Variants in NR3C2 observed in about 807,000 individuals in gnomAD.
NR3C2 encodes nuclear receptor subfamily 3 group C member 2.
NR3C2 carries 15 observed loss-of-function variants against 86.4 expected under a neutral mutation model. The ratio of observed to expected loss-of-function variants is 0.17; its 90% CI spans 0.12 to 0.27. NR3C2 has a LOEUF of 0.27. NR3C2 is among the 10% of genes least tolerant of loss of function. The pLI is 1.00. For synonymous variants in NR3C2, 458 were observed against 450.5 expected (o/e 1.02, Z -0.21); for missense variants, 960 against 1,195.6 (o/e 0.80, Z 2.91).
chr4:148,190,950 GA>G (rs573844684), intron 4 of NR3C2, among the ~76,000 whole-genome samples: 86 of 152,294 alleles, frequency 5.6e-4, no homozygotes, highest in African/African-American at 2.0e-3. Context: ...CTTTTAAGTG[GA>G]GCATTTAGGC....
intron 2 of NR3C2, among the ~76,000 whole-genome samples, chr4:148,318,426 T>C (rs2149947959): frequency 6.7e-6 from 1 of 149,302 alleles, no homozygotes; most frequent in Non-Finnish European, 1.5e-5. Context: ...GTATTTCCAG[T>C]TCTAGATCCC....
At chr4:148,218,342 A>G (rs1475912717) in intron 3 of NR3C2, among the ~76,000 whole-genome samples, 4 of 152,228 alleles carry the variant, frequency 2.6e-5, no homozygotes, top group Admixed American at 2.6e-4. Flanking sequence ...TGAATAGTCT[A>G]TCATATAAAT....
chr4:148,196,857 C>G (rs1057005944), intron 3 of NR3C2, among the ~76,000 whole-genome samples: 10 of 151,918 alleles, frequency 6.6e-5, no homozygotes, highest in African/African-American at 2.4e-4. Flanking sequence ...CAATCAATAT[C>G]CATGGTAAAA....
At chr4:148,281,786 T>C (rs1264517439) in intron 2 of NR3C2, among the ~76,000 whole-genome samples, 2 of 152,244 alleles carry the variant, frequency 1.3e-5, no homozygotes, top group Non-Finnish European at 2.9e-5. Flanking sequence ...TGCTAAATGC[T>C]ATAGGAGACG....
chr4:148,125,262 T>C (rs967318442), intron 6 of NR3C2, among the ~76,000 whole-genome samples: 1 of 152,260 alleles, frequency 6.6e-6, no homozygotes, highest in African/African-American at 2.4e-5. Flanking sequence ...GTGCAGGTTT[T>C]TGTTTCTTAT....
At chr4:148,325,364 A>G (rs994214777) in intron 2 of NR3C2, among the ~76,000 whole-genome samples, 1 of 152,220 alleles carries the variant, frequency 6.6e-6, no homozygotes, top group South Asian at 2.1e-4. Context: ...CAAAGTAACT[A>G]AAGTTGCAGA....
intron 3 of NR3C2, among the ~76,000 whole-genome samples, chr4:148,232,747 T>C (rs1029560021): frequency 3.9e-5 from 6 of 152,242 alleles, no homozygotes; most frequent in Non-Finnish European, 7.3e-5. Context: ...TGAACATCTA[T>C]TGTTTAGTGT....
chr4:148,156,096 T>C (rs1734373596), intron 4 of NR3C2, among the ~76,000 whole-genome samples: 2 of 152,222 alleles, frequency 1.3e-5, no homozygotes, highest in South Asian at 2.1e-4. Flanking sequence ...CCTTACACCT[T>C]ATACAAAAAT....
rs1553988863 is a variant in NR3C2, at chr4:148,136,087, A to AAC, written c.2511-15800_2511-15799insGT. 7.4e-4 allele frequency among the ~76,000 whole-genome samples: 59 copies of AAC among 79,228 alleles called. 4 individuals carry two copies. The highest frequency in any genetic ancestry group is 2.0e-3 in the African/African-American group (46 of 22,874). The allele number at this position is 79,228 out of a possible 152,430, so 52.0% of individuals were successfully genotyped here. ...AAAAAAAAAAAAAAACAAAAAAAAAAAACACCACCAAAACCAACAAAAAAA... is the reference window on the plus strand; with the variant it reads ...AAAAAAAAAAAAAAACAAAAAAAAAAACAACACCACCAAAACCAACAAAAAAA... On this transcript the variant is annotated intron_variant, in intron 6 of 8. Transcript: ENST00000358102.
rs557650555 is a variant in NR3C2 at position 148,375,658 on chromosome 4, C to T, written c.1757+59446G>A. Among the ~76,000 whole-genome samples, 19 of 152,118 alleles carry T rather than the reference C, an allele frequency of 1.2e-4. No individual in the cohort carries two copies. The East Asian group carries it at 3.1e-3, about 25-fold the overall frequency. ...TGTTTTGCTCGTCTATTTTAATACG[C>T]ATAGCAAATAATTCTTTCAAAAAAT... On this transcript the variant is annotated intron_variant, in intron 2 of 8. Coordinates refer to ENST00000358102, the MANE Select transcript of NR3C2 (RefSeq NM_000901.5).
chr4:148,116,210 A>C (rs1259519552), intron 7 of NR3C2, among the ~76,000 whole-genome samples: 1 of 152,228 alleles, frequency 6.6e-6, no homozygotes, highest in Non-Finnish European at 1.5e-5. Flanking sequence ...ATCTAAGATT[A>C]ACCAAATTTA....
intron 2 of NR3C2, among the ~76,000 whole-genome samples, chr4:148,423,904 G>A (rs1366492351): frequency 6.6e-6 from 1 of 152,076 alleles, no homozygotes; most frequent in Middle Eastern, 3.2e-3. Flanking sequence ...GTAGAGACGG[G>A]GTTTCACCAT....
At chr4:148,117,904 G>T (rs921129377) in intron 7 of NR3C2, among the ~76,000 whole-genome samples, 2 of 152,200 alleles carry the variant, frequency 1.3e-5, no homozygotes, top group Non-Finnish European at 2.9e-5. Context: ...GGATACTCCA[G>T]GTTGTCACTA....
chr4:148,334,107 A>G (rs1448127508), intron 2 of NR3C2, among the ~76,000 whole-genome samples: 1 of 152,238 alleles, frequency 6.6e-6, no homozygotes, highest in Non-Finnish European at 1.5e-5. Flanking sequence ...AACTGACTTG[A>G]GCATAAAGAT....
chr4:148,240,880 G>A (rs1030686996), intron 3 of NR3C2, among the ~76,000 whole-genome samples: 5 of 152,190 alleles, frequency 3.3e-5, no homozygotes, highest in African/African-American at 9.7e-5. Flanking sequence ...GCTAAGTGCT[G>A]TGCCTGGCCA....
intron 3 of NR3C2, among the ~76,000 whole-genome samples, chr4:148,218,029 T>C (rs1737633656): frequency 6.6e-6 from 1 of 152,220 alleles, no homozygotes; most frequent in African/African-American, 2.4e-5. Context: ...ATAGTTTTGT[T>C]GTCTTGTTTT....
Position 148,436,371 on chromosome 4 carries a change from A to G in NR3C2, c.490T>C (p.Phe164Leu). 3 of 1,614,194 alleles carry G rather than the reference A, an allele frequency of 1.9e-6. No individual in the cohort carries two copies. Among genetic ancestry groups the G allele is most frequent in the South Asian group, 1.1e-5 (1 of 91,086 alleles). The change falls in exon 2 of 9, where the codon TTT becomes CTT. Residue 164 changes from phenylalanine (F) to leucine (L), a missense_variant. Physicochemically the swap from Phe to Leu is conservative, Grantham distance 22 (BLOSUM62 0). This residue lies in a region of NR3C2 where 680 missense variants were observed against 719.0 expected (regional missense o/e 0.95). Coordinates refer to ENST00000358102, the MANE Select transcript of NR3C2 (RefSeq NM_000901.5). ...ACGGAGCTCCCAGAGTCAGACATAA[A>G]TGATCTCAAGGGCGTGTTCACACAA... ...LSCVNTPLRSFMSDSGSSVNG... is the reference protein window; with the variant it reads ...LSCVNTPLRSLMSDSGSSVNG...
intron 2 of NR3C2, among the ~76,000 whole-genome samples, chr4:148,317,920 A>G (rs1743294021): frequency 6.6e-6 from 1 of 150,956 alleles, no homozygotes; most frequent in South Asian, 2.1e-4. Context: ...ACATGTGCAC[A>G]TTCTGCAGGT....
At chr4:148,230,584 T>C (rs1208820462) in intron 3 of NR3C2, among the ~76,000 whole-genome samples, 1 of 152,190 alleles carries the variant, frequency 6.6e-6, no homozygotes, top group Non-Finnish European at 1.5e-5. Flanking sequence ...TGTGAGCCAG[T>C]AATATTTTGT....
Sources: gnomAD v4.1 joint callset for allele counts (sites outside exome capture counted in the v4.1 genomes callset) on GRCh38, gnomAD v4.1.1 for gene constraint, gnomAD v4.1.1 regional missense constraint, MANE v1.5 for transcripts, NCBI Gene and HGNC (gene_info 2026-07-23, HGNC 2026-07-21) for gene names.